Variants in NUDCD3 observed in about 807,000 individuals in gnomAD.
NUDCD3 encodes the protein nudC domain-containing protein 3.
A neutral mutation model predicts 39.7 loss-of-function variants in NUDCD3; 13 were observed. That is an observed-to-expected ratio of 0.33 (90% CI 0.21 to 0.52). The LOEUF is 0.52. NUDCD3 is among the 20% of genes least tolerant of loss of function. The probability of loss-of-function intolerance (pLI) is 0.96; values close to 1 mark genes in which losing one functional copy is unlikely to be tolerated. For missense variants in NUDCD3, 453 were observed against 458.1 expected, an observed-to-expected ratio of 0.99 and a Z score of 0.10; for synonymous variants, 175 against 172.4, an observed-to-expected ratio of 1.02 and a Z score of -0.12.
chr7:44,449,938 A>G (rs1007766890), intron 2 of NUDCD3, among the ~76,000 whole-genome samples: 1 of 152,022 alleles, frequency 6.6e-6, no homozygotes, highest in African/African-American at 2.4e-5. Flanking sequence ...GAAAATGAAG[A>G]CAATCCAAAG....
chr7:44,403,750 C>A (rs1406601872), intron 4 of NUDCD3, among the ~76,000 whole-genome samples: 1 of 152,296 alleles, frequency 6.6e-6, no homozygotes, highest in East Asian at 1.9e-4. Context: ...GACTTTTGTC[C>A]AGACATTATA....
intron 3 of NUDCD3, among the ~76,000 whole-genome samples, chr7:44,406,056 C>T (rs1488635405): frequency 6.6e-6 from 1 of 152,208 alleles, no homozygotes; most frequent in Non-Finnish European, 1.5e-5. Flanking sequence ...GCCTCAGCCT[C>T]CCAAAGTGCT....
At position 44,385,852 on chromosome 7, in the gene NUDCD3, G is replaced by A. The variant is rs1421073040; in HGVS notation, c.*159C>T. On this transcript the variant is annotated 3_prime_UTR_variant, in exon 6 of 6. Transcript: ENST00000355451. ...CGCACCTTCTCTGGAACAGTCTGGA[G>A]ATGCAAGGTCAGGGTGGAAGGCCTG... The A allele has an allele frequency of 6.6e-6, 4 of 608,466 alleles. No individual in the cohort carries two copies. Among genetic ancestry groups the A allele is most frequent in the South Asian group, 2.0e-5 (1 of 51,108 alleles). The allele number at this position is 608,466 out of a possible 1,614,324, so 37.7% of individuals were successfully genotyped here. A position where few individuals can be genotyped will look rare whatever the true frequency, so the allele number is the denominator to read the frequency against.
At chr7:44,428,421 C>A (rs1269240476) in intron 2 of NUDCD3, among the ~76,000 whole-genome samples, 1 of 150,564 alleles carries the variant, frequency 6.6e-6, no homozygotes, top group Non-Finnish European at 1.5e-5. Flanking sequence ...CCAGCCTGGG[C>A]AACAAGAGCA....
chr7:44,473,971 T>C (rs1013443468), intron 2 of NUDCD3, among the ~76,000 whole-genome samples: 1 of 152,130 alleles, frequency 6.6e-6, no homozygotes, highest in African/African-American at 2.4e-5. Flanking sequence ...ATAAGAAAAC[T>C]GGAAGTTTAA....
intron 2 of NUDCD3, among the ~76,000 whole-genome samples, chr7:44,435,375 G>T (rs986831670): frequency 6.6e-6 from 1 of 152,140 alleles, no homozygotes; most frequent in African/African-American, 2.4e-5. Flanking sequence ...CATGCTGAAA[G>T]GACACATGAG....
chr7:44,393,508 T>C (rs1188132556), intron 4 of NUDCD3, among the ~76,000 whole-genome samples: 1 of 152,150 alleles, frequency 6.6e-6, no homozygotes, highest in Non-Finnish European at 1.5e-5. Flanking sequence ...ACTGGCTGCA[T>C]CTGCTGTGGT....
At chr7:44,453,198 C>T (rs1468940096) in intron 2 of NUDCD3, among the ~76,000 whole-genome samples, 2 of 151,928 alleles carry the variant, frequency 1.3e-5, no homozygotes, top group African/African-American at 4.8e-5. Context: ...ACTAAAAATA[C>T]AAAAATTAGC....
chr7:44,428,171 A>G (rs1443033867), intron 2 of NUDCD3, among the ~76,000 whole-genome samples: 1 of 150,116 alleles, frequency 6.7e-6, no homozygotes, highest in Non-Finnish European at 1.5e-5. Flanking sequence ...GTGGTGACTC[A>G]CACCTGTAAT....
intron 2 of NUDCD3, among the ~76,000 whole-genome samples, chr7:44,455,339 A>G (rs1317500250): frequency 6.6e-6 from 1 of 152,058 alleles, no homozygotes; most frequent in East Asian, 1.9e-4. Context: ...CACAGTTCAC[A>G]CACTCATCTG....
chr7:44,457,588 G>A (rs1187772213), intron 2 of NUDCD3, among the ~76,000 whole-genome samples: 1 of 152,058 alleles, frequency 6.6e-6, no homozygotes, highest in African/African-American at 2.4e-5. Flanking sequence ...AAATACTTAG[G>A]AATACATGTT....
chr7:44,465,171 G>GT (rs1263432185), intron 2 of NUDCD3, among the ~76,000 whole-genome samples: 1 of 152,158 alleles, frequency 6.6e-6, no homozygotes, highest in Non-Finnish European at 1.5e-5. Flanking sequence ...TAATCTTAAT[G>GT]TTTTTTACAT....
chr7:44,421,608 T>C (rs1285220863), intron 3 of NUDCD3, among the ~76,000 whole-genome samples: 1 of 151,380 alleles, frequency 6.6e-6, no homozygotes, highest in Non-Finnish European at 1.5e-5. Context: ...TCAATGAAAC[T>C]AGAAGAGCTA....
intron 2 of NUDCD3, among the ~76,000 whole-genome samples, chr7:44,443,406 TTTC>T (rs1449371708): frequency 6.6e-6 from 1 of 151,932 alleles, no homozygotes. Flanking sequence ...TTTTTTTTCT[TTTC>T]TTTTTTCTTT....
chr7:44,387,599 C>G (rs1429227843), intron 5 of NUDCD3, among the ~76,000 whole-genome samples: 1 of 152,196 alleles, frequency 6.6e-6, no homozygotes, highest in African/African-American at 2.4e-5. Context: ...AACCTTTCAA[C>G]AGAACCCCAG....
chr7:44,476,689 C>T (rs1800376519), intron 2 of NUDCD3, among the ~76,000 whole-genome samples: 1 of 152,116 alleles, frequency 6.6e-6, no homozygotes, highest in South Asian at 2.1e-4. Flanking sequence ...AGAAGAGGTA[C>T]TAAGAAATGG....
chr7:44,461,441 T>TA (rs1800011951), intron 2 of NUDCD3, among the ~76,000 whole-genome samples: 1 of 152,140 alleles, frequency 6.6e-6, no homozygotes, highest in Admixed American at 6.5e-5. Flanking sequence ...AGTCTTCTCT[T>TA]AAAATCAGTG....
chr7:44,414,370 G>T (rs1477966567), intron 3 of NUDCD3, among the ~76,000 whole-genome samples: 1 of 152,156 alleles, frequency 6.6e-6, no homozygotes, highest in Non-Finnish European at 1.5e-5. Context: ...CAGGCACTTG[G>T]GGACATGGAA....
chr7:44,482,060 C>A (rs548697398), intron 2 of NUDCD3, among the ~76,000 whole-genome samples: 3 of 152,108 alleles, frequency 2.0e-5, no homozygotes, highest in Non-Finnish European at 4.4e-5. Flanking sequence ...GTTATAGCAG[C>A]CTAAGTGGAC....
Sources: allele counts gnomAD v4.1 joint callset (sites outside exome capture counted in the v4.1 genomes callset), GRCh38; gene constraint gnomAD v4.1.1; transcripts MANE v1.5; gene names NCBI Gene and HGNC (gene_info 2026-07-23, HGNC 2026-07-21).